Variants in GPR26 observed in about 807,000 individuals in gnomAD.
GPR26 encodes the protein G protein-coupled receptor 26.
A neutral mutation model predicts 23.1 loss-of-function variants in GPR26; 15 were observed. That is an observed-to-expected ratio of 0.65 (90% CI 0.43 to 1.00). GPR26 has a LOEUF of 1.00. Among genes scored for constraint, GPR26 ranks in the 50% least tolerant of loss-of-function variants. The pLI, the probability that GPR26 is intolerant of heterozygous loss-of-function variation, is 0.00. For missense variants in GPR26, 359 were observed against 470.5 expected (o/e 0.76, Z 2.19); for synonymous variants, 228 against 222.1 (o/e 1.03, Z -0.24).
At chr10:123,686,687 C>T in intron 2 of GPR26, among the ~76,000 whole-genome samples, 1 of 152,172 alleles carries the variant, frequency 6.6e-6, no homozygotes, top group East Asian at 1.9e-4. Context: ...GTACCTGGGT[C>T]CTCACCTGGC....
intron 2 of GPR26, among the ~76,000 whole-genome samples, chr10:123,681,275 C>G (rs144327726): frequency 6.6e-6 from 1 of 152,152 alleles, no homozygotes; most frequent in South Asian, 2.1e-4. Flanking sequence ...TCACAATGAC[C>G]GCTCTGCTTC....
At chr10:123,686,852 T>G (rs1845435326) in intron 2 of GPR26, among the ~76,000 whole-genome samples, 1 of 152,198 alleles carries the variant, frequency 6.6e-6, no homozygotes, top group Non-Finnish European at 1.5e-5. Flanking sequence ...TTTCCCTCTC[T>G]GGGCCTCAAT....
Position 123,696,809 on chromosome 10 carries a change from T to C in GPR26, c.*8649T>C, listed in dbSNP as rs966430761. Among the ~76,000 whole-genome samples the C allele has an allele frequency of 1.3e-5, 2 of 151,410 alleles. No individual in the cohort carries two copies. The highest frequency in any genetic ancestry group is 2.9e-5 in the Non-Finnish European group (2 of 67,866). On this transcript the variant is annotated 3_prime_UTR_variant, in exon 3 of 3. Coordinates refer to ENST00000284674, the MANE Select transcript of GPR26 (RefSeq NM_153442.4). ...TGGGTGAATGTTTGTGTGCCCATGA[T>C]TTTATGCATATAGGTGAATATTTGT...
At position 123,693,842 on chromosome 10, in the gene GPR26, G is replaced by A. The variant is rs80068644; in HGVS notation, c.*5682G>A. 5,337 of 152,358 alleles carry A rather than the reference G, an allele frequency of 0.035. 147 individuals carry two copies. The highest frequency in any genetic ancestry group is 0.057 in the Admixed American group (869 of 15,298). The allele number at this position is 152,358 out of a possible 1,614,324, so 9.4% of individuals were successfully genotyped here. ...GAACACAATCGTGCAACTTCCTAGGGAATCTGCATCAGGAGAAAGAAGCGG... is the reference window on the plus strand; with the variant it reads ...GAACACAATCGTGCAACTTCCTAGGAAATCTGCATCAGGAGAAAGAAGCGG... On this transcript the variant is annotated 3_prime_UTR_variant, in exon 3 of 3. Coordinates refer to ENST00000284674, the MANE Select transcript of GPR26 (RefSeq NM_153442.4).
intron 2 of GPR26, 73 bp from the exon 3 acceptor site, chr10:123,687,856 A>G (rs1374498200): frequency 1.0e-5 from 10 of 1,000,994 alleles, no homozygotes; most frequent in Non-Finnish European, 1.6e-5. Flanking sequence ...GGGCACAGAC[A>G]GGCCCTGGCC....
chr10:123,685,768 G>A (rs1845425684), intron 2 of GPR26, among the ~76,000 whole-genome samples: 1 of 152,240 alleles, frequency 6.6e-6, no homozygotes. Context: ...GTGGCCACTA[G>A]CCAGGACTTG....
At chr10:123,680,828 G>GT (rs1845364955) in intron 2 of GPR26, among the ~76,000 whole-genome samples, 1 of 67,076 alleles carries the variant, frequency 1.5e-5, no homozygotes, top group Admixed American at 1.5e-4. Context: ...TTGTTTTTTT[G>GT]GGGGGGGGGG....
At chr10:123,680,418 TG>T (rs1176138496) in intron 2 of GPR26, among the ~76,000 whole-genome samples, 1 of 151,956 alleles carries the variant, frequency 6.6e-6, no homozygotes, top group African/African-American at 2.4e-5. Flanking sequence ...ACTCTGCAAA[TG>T]GGGGCACCAA....
In GPR26 at chr10:123,696,396, T is replaced by G. The variant is rs577921784; in HGVS notation, c.*8236T>G. ...TTCCTTGAATTTTCATAGATTCTAT[T>G]TTTTTCATGTCTGTGAAAAGTGGGG... On this transcript the variant is annotated 3_prime_UTR_variant, in exon 3 of 3. Transcript: ENST00000284674. Among the ~76,000 whole-genome samples, 1 of 152,240 alleles carries G rather than the reference T, an allele frequency of 6.6e-6. No homozygotes were observed. Among genetic ancestry groups the G allele is most frequent in the East Asian group, 1.9e-4 (1 of 5,184 alleles).
rs996562241 is a variant in GPR26 at position 123,693,166 on chromosome 10, C to G, written c.*5006C>G. The G allele has an allele frequency of 6.6e-6, 1 of 152,272 alleles. No homozygotes were observed. The highest frequency in any genetic ancestry group is 2.4e-5 in the African/African-American group (1 of 41,454). The allele number at this position is 152,272 out of a possible 1,614,324, so 9.4% of individuals were successfully genotyped here. A position where few individuals can be genotyped will look rare whatever the true frequency, so the allele number is the denominator to read the frequency against. The stretch of plus-strand genomic sequence containing the variant: ...CTTGCTTGGGAAGGAATTCTCCAGA[C>G]TCCTTTTACTTTGTATGTGTTTCTA... On this transcript the variant is annotated 3_prime_UTR_variant, in exon 3 of 3. Coordinates refer to ENST00000284674, the MANE Select transcript of GPR26 (RefSeq NM_153442.4).
chr10:123,680,884 G>A (rs983103634), intron 2 of GPR26, among the ~76,000 whole-genome samples: 1 of 146,212 alleles, frequency 6.8e-6, no homozygotes, highest in African/African-American at 2.5e-5. Context: ...TTGTTGCCCA[G>A]GCTGGAGTGC....
At position 123,688,913 on chromosome 10, in the gene GPR26, A is replaced by C. The variant is rs573712089; in HGVS notation, c.*753A>C. 3.0e-4 allele frequency: 46 copies of C among 152,306 alleles called. No homozygotes were observed. Among genetic ancestry groups the C allele is most frequent in the African/African-American group, 1.1e-3 (45 of 41,556 alleles). 9.4% of individuals were successfully genotyped at this position (152,306 alleles called of 1,614,324 possible). The stretch of plus-strand genomic sequence containing the variant: ...GGTCCTACATGTATTAGGTTCTTTC[A>C]AGTTTGACTGGGAGGTCACCTTTTT... On this transcript the variant is annotated 3_prime_UTR_variant, in exon 3 of 3. Coordinates refer to ENST00000284674, the MANE Select transcript of GPR26 (RefSeq NM_153442.4).
Position 123,695,884 on chromosome 10 carries a change from C to A in GPR26, c.*7724C>A, listed in dbSNP as rs1027444074. Among the ~76,000 whole-genome samples, 2 of 152,164 alleles carry A rather than the reference C, an allele frequency of 1.3e-5. No homozygotes were observed. Among genetic ancestry groups the A allele is most frequent in the African/African-American group, 2.4e-5 (1 of 41,440 alleles). On this transcript the variant is annotated 3_prime_UTR_variant, in exon 3 of 3. Coordinates refer to ENST00000284674, the MANE Select transcript of GPR26 (RefSeq NM_153442.4). Reference sequence around the variant, plus strand: ...CTCTTTTGGAGTGCAGAAACATTTGCGGAGTCTGGTGTGCCACCAACCCCA... The same window carrying A: ...CTCTTTTGGAGTGCAGAAACATTTGAGGAGTCTGGTGTGCCACCAACCCCA...
At chr10:123,679,425 C>T (rs150166446) in intron 2 of GPR26, among the ~76,000 whole-genome samples, 2 of 152,304 alleles carry the variant, frequency 1.3e-5, no homozygotes, top group East Asian at 1.9e-4. Context: ...GTTAGAATCG[C>T]CTGGAGAGCT....
In GPR26 at chr10:123,688,708, C is replaced by A. The variant is rs1202836928; in HGVS notation, c.*548C>A. ...CTGGTACTAACGACATTGTGCCCAG[C>A]TGGGACTCTTGGGCTCTGTGCCTGA... On this transcript the variant is annotated 3_prime_UTR_variant, in exon 3 of 3. Coordinates refer to ENST00000284674, the MANE Select transcript of GPR26 (RefSeq NM_153442.4). 6.3e-6 allele frequency: 1 copy of A among 158,294 alleles called. No individual in the cohort carries two copies. Among genetic ancestry groups the A allele is most frequent in the Admixed American group, 5.9e-5 (1 of 16,930 alleles). The allele number at this position is 158,294 out of a possible 1,614,324, so 9.8% of individuals were successfully genotyped here.
At chr10:123,687,892 C>T (rs1366134236) in intron 2 of GPR26, 37 bp from the exon 3 acceptor site, 1 of 1,429,574 alleles carries the variant, frequency 7.0e-7, no homozygotes, top group Non-Finnish European at 9.9e-7. Context: ...CGGTGCTTAG[C>T]TATGTCCTCA....
chr10:123,680,516 T>C (rs755032479), intron 2 of GPR26, among the ~76,000 whole-genome samples: 15 of 152,168 alleles, frequency 9.9e-5, no homozygotes, highest in Admixed American at 8.5e-4. Context: ...CAGATGCCAC[T>C]GGGCAGCTCC....
rs1040246936 is a variant in GPR26, at chr10:123,674,236, G to A, written c.669-582G>A. On this transcript the variant is annotated intron_variant, in intron 1 of 2. Coordinates refer to ENST00000284674, the MANE Select transcript of GPR26 (RefSeq NM_153442.4). The surrounding 1 kb of genome is among the most constrained non-coding windows in gnomAD (Gnocchi z 4.1). ...GCCTCCCAAAGTGCTGGGATTACAGGTGTGAGCCACTGTGCCAGGCCGAGC... is the reference window on the plus strand; with the variant it reads ...GCCTCCCAAAGTGCTGGGATTACAGATGTGAGCCACTGTGCCAGGCCGAGC... Among the ~76,000 whole-genome samples the A allele has an allele frequency of 2.6e-5, 4 of 151,726 alleles. No individual in the cohort carries two copies. Among genetic ancestry groups the A allele is most frequent in the East Asian group, 2.0e-4 (1 of 5,108 alleles).
At chr10:123,673,553 G>C (rs1176366686) in intron 1 of GPR26, among the ~76,000 whole-genome samples, 1 of 152,218 alleles carries the variant, frequency 6.6e-6, no homozygotes, top group African/African-American at 2.4e-5. Context: ...CAGGGTTACA[G>C]TTGGAGGCAC....
Sources: allele counts gnomAD v4.1 joint callset (sites outside exome capture counted in the v4.1 genomes callset), GRCh38; gene constraint gnomAD v4.1.1; non-coding constraint Gnocchi (gnomAD v3.1); transcripts MANE v1.5; gene names NCBI Gene and HGNC (gene_info 2026-07-23, HGNC 2026-07-21).